The following NUP93 variants were observed in gnomAD, a reference collection of about 807,000 sequenced individuals.
The protein encoded by NUP93 is nucleoporin 93, also known as nuclear pore complex protein Nup93.
A neutral mutation model predicts 107.8 loss-of-function variants in NUP93; 55 were observed. The ratio of observed to expected loss-of-function variants is 0.51; its 90% confidence interval spans 0.41 to 0.64. NUP93 has a LOEUF of 0.64. Among genes scored for constraint, NUP93 ranks in the 30% least tolerant of loss-of-function variants. NUP93 has a pLI of 0.00. For missense variants in NUP93, 937 were observed against 1,044.7 expected (o/e 0.90, Z 1.42); for synonymous variants, 390 against 397.5 (o/e 0.98, Z 0.22).
Position 56,831,919 on chromosome 16 carries a change from G to A in NUP93, c.1163G>A (p.Arg388Gln), listed in dbSNP as rs1171777265. ...AGGAACAATACAGATCCCTACAAGC[G>A]GGCCGTGTACTGTATCATTGGCAGA... ...ALRNNTDPYK[R>Q]AVYCIIGRCD... Residue 388 changes from arginine (R) to glutamine (Q), a missense_variant, in exon 11 of 22, where the codon CGG becomes CAG. Coordinates refer to ENST00000308159, the MANE Select transcript of NUP93 (RefSeq NM_014669.5). The A allele has an allele frequency of 2.5e-6, 4 of 1,614,030 alleles. No homozygotes were observed. The highest frequency in any genetic ancestry group is 1.7e-5 in the Admixed American group (1 of 60,006).
intron 3 of NUP93, among the ~76,000 whole-genome samples, chr16:56,787,406 G>A (rs1414402262): frequency 6.6e-6 from 1 of 152,184 alleles, no homozygotes; most frequent in South Asian, 2.1e-4. Flanking sequence ...ACATTGTCCT[G>A]ACTAACAGTG....
At chr16:56,762,867 C>T (rs866572945) in intron 3 of NUP93, among the ~76,000 whole-genome samples, 1 of 152,104 alleles carries the variant, frequency 6.6e-6, no homozygotes, top group South Asian at 2.1e-4. Context: ...GTCTCTTCCT[C>T]CATCTTCACG....
At chr16:56,823,914 A>G (rs1320102805) in intron 8 of NUP93, 68 bp downstream of exon 8, 7 of 1,573,322 alleles carry the variant, frequency 4.4e-6, no homozygotes, top group Non-Finnish European at 6.1e-6. Context: ...CTCAGATCTT[A>G]AGTTGTCCTC....
chr16:56,790,504 A>G (rs1206809968), intron 3 of NUP93, among the ~76,000 whole-genome samples: 1 of 152,188 alleles, frequency 6.6e-6, no homozygotes, highest in Non-Finnish European at 1.5e-5. Flanking sequence ...GAGGCTCTCC[A>G]GGTACTGGTA....
chr16:56,804,013 A>G (rs907797030), intron 4 of NUP93, among the ~76,000 whole-genome samples: 2 of 152,118 alleles, frequency 1.3e-5, no homozygotes, highest in African/African-American at 2.4e-5. Flanking sequence ...CAGCCTCCCA[A>G]AAGTGCTGGG....
intron 4 of NUP93, among the ~76,000 whole-genome samples, chr16:56,802,761 G>A (rs1204476547): frequency 3.9e-5 from 6 of 152,140 alleles, no homozygotes; most frequent in Non-Finnish European, 8.8e-5. Flanking sequence ...TAATAAAGCA[G>A]GCATTGCTAA....
At chr16:56,818,800 A>G in intron 6 of NUP93, 62 bp downstream of exon 6, 1 of 1,382,180 alleles carries the variant, frequency 7.2e-7, no homozygotes, top group South Asian at 1.2e-5. Context: ...TAGGGAGTAA[A>G]AGGAAACAAA....
In NUP93 at chr16:56,829,119, A is replaced by G. The variant is rs573631580; in HGVS notation, c.927+10A>G. 9.3e-6 allele frequency: 15 copies of G among 1,609,262 alleles called. No homozygotes were observed. In the East Asian group the frequency reaches 2.7e-4, roughly 29 times the overall value. On this transcript the variant is annotated intron_variant, in intron 9 of 21. Transcript: ENST00000308159. ...CTTGCCTGGACTACAGGTACTGACA[A>G]CTTTCTCTGTGTGATCAGTTACACC... is the stretch of plus-strand genomic sequence containing the variant.
chr16:56,739,427 G>T (rs1412826662), intron 1 of NUP93, among the ~76,000 whole-genome samples: 37 of 47,038 alleles, frequency 7.9e-4, no homozygotes, highest in Admixed American at 1.4e-3. Flanking sequence ...CGGACGGGGC[G>T]GCTGGCCGGG....
chr16:56,808,115 A>ATTATATAAATATATAAATATAG (rs1963187867), intron 5 of NUP93, among the ~76,000 whole-genome samples: 2 of 123,856 alleles, frequency 1.6e-5, no homozygotes, highest in Non-Finnish European at 1.7e-5. Flanking sequence ...ATAAATATAT[A>ATTATATAAATATATAAATATAG]TTATATAACT....
chr16:56,748,194 T>C, intron 1 of NUP93, 40 bp from the exon 2 acceptor site: 43 of 1,410,838 alleles, frequency 3.0e-5, no homozygotes, highest in Non-Finnish European at 4.2e-5. Flanking sequence ...AAACCTGTCT[T>C]TCCCTTGATT....
intron 3 of NUP93, among the ~76,000 whole-genome samples, chr16:56,789,909 G>A (rs1473478532): frequency 6.6e-6 from 1 of 152,142 alleles, no homozygotes; most frequent in East Asian, 1.9e-4. Flanking sequence ...GACCAGCCTG[G>A]CCAACATGAT....
At chr16:56,804,902 T>C (rs1216320328) in intron 4 of NUP93, among the ~76,000 whole-genome samples, 2 of 146,174 alleles carry the variant, frequency 1.4e-5, no homozygotes, top group Admixed American at 1.4e-4. Flanking sequence ...TGAAACTCTG[T>C]CTCAAAAAAA....
intron 16 of NUP93, 43 bp from the exon 17 acceptor site, chr16:56,836,558 A>C (rs1596860563): frequency 1.7e-6 from 2 of 1,155,420 alleles, no homozygotes; most frequent in Non-Finnish European, 2.6e-6. Flanking sequence ...AGCTCTGTGC[A>C]CCCGTCTCTC....
intron 3 of NUP93, among the ~76,000 whole-genome samples, chr16:56,788,619 C>T (rs1206537357): frequency 2.0e-5 from 3 of 152,190 alleles, no homozygotes; most frequent in African/African-American, 7.2e-5. Context: ...GAGAGAAGTG[C>T]AAATAACAGA....
intron 2 of NUP93, among the ~76,000 whole-genome samples, chr16:56,757,759 G>C (rs898466260): frequency 1.3e-5 from 2 of 152,234 alleles, no homozygotes; most frequent in African/African-American, 4.8e-5. Flanking sequence ...GGCTTTTGAA[G>C]GGAAGCCATG....
intron 4 of NUP93, among the ~76,000 whole-genome samples, chr16:56,802,365 A>T (rs1963040390): frequency 7.5e-6 from 1 of 132,532 alleles, no homozygotes; most frequent in South Asian, 2.3e-4. Flanking sequence ...CATAACTTTC[A>T]TGTTTAAAGT....
In NUP93 at chr16:56,846,845, A is replaced by G. The variant is rs1964122912; in HGVS notation, c.*2236A>G. ...GAGAAGGCTCAAGTTGTTTAAATACATGTTTGCTCCTGGCTTACCTCTTCT... is the reference window on the plus strand; with the variant it reads ...GAGAAGGCTCAAGTTGTTTAAATACGTGTTTGCTCCTGGCTTACCTCTTCT... On this transcript the variant is annotated 3_prime_UTR_variant, in exon 22 of 22. Transcript: ENST00000308159. The G allele has an allele frequency of 2.6e-5, 4 of 152,320 alleles. No homozygotes were observed. The highest frequency in any genetic ancestry group is 3.4e-3 in the Middle Eastern group (1 of 294). The allele number at this position is 152,320 out of a possible 1,614,324, so 9.4% of individuals were successfully genotyped here. A position where few individuals can be genotyped will look rare whatever the true frequency, so the allele number is the denominator to read the frequency against.
At chr16:56,804,312 T>TCA (rs1291652976) in intron 4 of NUP93, among the ~76,000 whole-genome samples, 3 of 152,306 alleles carry the variant, frequency 2.0e-5, no homozygotes, top group African/African-American at 7.2e-5. Context: ...AACCCAGGTG[T>TCA]CCATCAGTGA....
Sources: allele counts gnomAD v4.1 joint callset (sites outside exome capture counted in the v4.1 genomes callset), GRCh38; gene constraint gnomAD v4.1.1; transcripts MANE v1.5; gene names NCBI Gene and HGNC (gene_info 2026-07-23, HGNC 2026-07-21).